Variants in THSD7B observed in about 807,000 individuals in gnomAD.
THSD7B encodes thrombospondin type-1 domain-containing protein 7B.
THSD7B carries 138 observed loss-of-function variants against 213.6 expected under a neutral mutation model. The ratio of observed to expected loss-of-function variants is 0.65; its 90% confidence interval spans 0.56 to 0.74. The LOEUF (loss-of-function observed/expected upper bound fraction) is 0.74. THSD7B is among the 30% of genes least tolerant of loss of function. The pLI, the probability that THSD7B is intolerant of heterozygous loss-of-function variation, is 0.00. For synonymous variants in THSD7B, 742 were observed against 687.0 expected, an observed-to-expected ratio of 1.08 and a Z score of -1.25; for missense variants, 1,931 against 1,991.5, an observed-to-expected ratio of 0.97 and a Z score of 0.58.
intron 2 of THSD7B, among the ~76,000 whole-genome samples, chr2:137,035,918 T>G (rs1223939088): frequency 6.6e-6 from 1 of 152,186 alleles, no homozygotes; most frequent in African/African-American, 2.4e-5. Context: ...ACAAAATGTA[T>G]CAAATCCAAA....
rs369068989 is a variant in THSD7B at position 137,638,907 on chromosome 2, AT to A, written c.3800-3580del. On this transcript the variant is annotated intron_variant, in intron 20 of 27. Transcript: ENST00000409968. The stretch of plus-strand genomic sequence containing the variant: ...ATTTCTAAGCAGCAAAGCATTCAAG[AT>A]GTGACTTGGGTGCTGTTAAAAGCAT... Among the ~76,000 whole-genome samples the A allele has an allele frequency of 2.0e-4, 31 of 152,310 alleles. No homozygotes were observed. The East Asian group carries it at 5.8e-3, about 28-fold the overall frequency.
intron 1 of THSD7B, among the ~76,000 whole-genome samples, chr2:136,872,535 T>C (rs887967154): frequency 1.3e-5 from 2 of 151,910 alleles, no homozygotes; most frequent in African/African-American, 4.8e-5. Flanking sequence ...TTTTCTTTTC[T>C]TTTCTCTTTT....
rs559372957 is a variant in THSD7B, at chr2:136,876,150, A to G, written c.-35-5994A>G. On this transcript the variant is annotated intron_variant, in intron 1 of 27. Transcript: ENST00000409968. ...TGTAGAACTGGTCCTGCTAGCTATT[A>G]CTTTATTAACTTTGGAAATAATAGC... Among the ~76,000 whole-genome samples the G allele has an allele frequency of 2.0e-5, 3 of 152,322 alleles. No homozygotes were observed. The South Asian group carries it at 6.2e-4, about 32-fold the overall frequency.
rs141292811 is a variant in THSD7B at position 136,905,154 on chromosome 2, A to G, written c.139+22837A>G. ...CTGGTAGAGGTGAAATGAGAATCCA[A>G]CTTTCCAAATAATATATCGAGCACT... On this transcript the variant is annotated intron_variant, in intron 2 of 27. Transcript: ENST00000409968. Among the ~76,000 whole-genome samples the G allele has an allele frequency of 7.2e-4, 109 of 152,322 alleles. 1 individual carries two copies. The East Asian group carries it at 8.1e-3, about 11-fold the overall frequency.
chr2:137,590,339 G>A (rs1445540406), intron 17 of THSD7B, among the ~76,000 whole-genome samples: 1 of 152,178 alleles, frequency 6.6e-6, no homozygotes, highest in Non-Finnish European at 1.5e-5. Context: ...AGAACCATGG[G>A]CAGGGTGACA....
chr2:137,000,156 A>G (rs916554326), intron 2 of THSD7B, among the ~76,000 whole-genome samples: 1 of 152,172 alleles, frequency 6.6e-6, no homozygotes, highest in Non-Finnish European at 1.5e-5. Flanking sequence ...ATAATTGACA[A>G]GAGAAGTTCA....
chr2:137,651,936 T>G (rs1427937416), intron 21 of THSD7B, among the ~76,000 whole-genome samples: 1 of 152,122 alleles, frequency 6.6e-6, no homozygotes, highest in Non-Finnish European at 1.5e-5. Flanking sequence ...GATTTCTACT[T>G]TTTTGGATTT....
intron 5 of THSD7B, among the ~76,000 whole-genome samples, chr2:137,159,135 A>T (rs767337777): frequency 3.3e-5 from 5 of 152,098 alleles, no homozygotes; most frequent in African/African-American, 4.8e-5. Context: ...TGGTGCCTAG[A>T]AAGAGTCTCC....
intron 12 of THSD7B, among the ~76,000 whole-genome samples, chr2:137,377,871 C>T (rs567298472): frequency 4.0e-4 from 61 of 152,072 alleles, no homozygotes; most frequent in Non-Finnish European, 7.8e-4. Context: ...GTGATCCACC[C>T]GCCTCAGCCT....
chr2:137,471,806 G>A (rs1051586228), intron 15 of THSD7B, among the ~76,000 whole-genome samples: 11 of 152,222 alleles, frequency 7.2e-5, no homozygotes, highest in South Asian at 2.1e-4. Flanking sequence ...GAAAGGTGTC[G>A]CTGGACGAGG....
chr2:136,957,521 GACAAATTT>G (rs2105080500), intron 2 of THSD7B, among the ~76,000 whole-genome samples: 1 of 150,872 alleles, frequency 6.6e-6, no homozygotes, highest in African/African-American at 2.4e-5. Flanking sequence ...AAAGAGTCCC[GACAAATTT>G]AGTTTCATTT....
chr2:137,005,103 AG>A (rs1686078580), intron 2 of THSD7B, among the ~76,000 whole-genome samples: 1 of 152,226 alleles, frequency 6.6e-6, no homozygotes, highest in East Asian at 1.9e-4. Flanking sequence ...ATGTAGCAGA[AG>A]AGAGTCTATT....
At chr2:137,509,512 TTTTA>T (rs1450883939) in intron 15 of THSD7B, among the ~76,000 whole-genome samples, 1 of 152,122 alleles carries the variant, frequency 6.6e-6, no homozygotes, top group Non-Finnish European at 1.5e-5. Context: ...CTATATTGAA[TTTTA>T]TTTGTTTGGT....
intron 15 of THSD7B, among the ~76,000 whole-genome samples, chr2:137,457,115 C>A (rs1256415618): frequency 6.6e-6 from 1 of 152,140 alleles, no homozygotes; most frequent in Non-Finnish European, 1.5e-5. Context: ...ACATTTGTAT[C>A]CACACACACC....
chr2:137,377,544 G>A (rs184713806), intron 12 of THSD7B, among the ~76,000 whole-genome samples: 23 of 152,060 alleles, frequency 1.5e-4, no homozygotes, highest in African/African-American at 5.1e-4. Context: ...TGATGTCTGA[G>A]CTCAGTTTAA....
intron 1 of THSD7B, among the ~76,000 whole-genome samples, chr2:136,821,707 G>A (rs1682567042): frequency 6.6e-6 from 1 of 152,138 alleles, no homozygotes; most frequent in South Asian, 2.1e-4. Context: ...TGTTCACTGT[G>A]AGCTTCTCCT....
chr2:137,554,404 G>A (rs1186294906), intron 15 of THSD7B, among the ~76,000 whole-genome samples: 1 of 152,196 alleles, frequency 6.6e-6, no homozygotes, highest in Non-Finnish European at 1.5e-5. Flanking sequence ...CAGTTCAAGT[G>A]TAACTTTGGT....
At chr2:137,217,387 T>A (rs1681273114) in intron 7 of THSD7B, among the ~76,000 whole-genome samples, 1 of 152,210 alleles carries the variant, frequency 6.6e-6, no homozygotes, top group African/African-American at 2.4e-5. Context: ...AGTGAACACT[T>A]ACTGTGTACC....
At chr2:137,154,597 A>G (rs1009207617) in intron 5 of THSD7B, among the ~76,000 whole-genome samples, 8 of 152,088 alleles carry the variant, frequency 5.3e-5, no homozygotes, top group Admixed American at 1.3e-4. Context: ...ATGGCTATCA[A>G]TAGGGGTGGG....
Sources: gnomAD v4.1 joint callset for allele counts (sites outside exome capture counted in the v4.1 genomes callset) on GRCh38, gnomAD v4.1.1 for gene constraint, MANE v1.5 for transcripts, NCBI Gene and HGNC (gene_info 2026-07-23, HGNC 2026-07-21) for gene names.